The following GSE1 variants were observed in gnomAD, a reference collection of about 807,000 sequenced individuals.
GSE1 encodes genetic suppressor element 1.
In GSE1, 32 loss-of-function variants were observed where a neutral mutation model predicts 112.6. That is an observed-to-expected ratio of 0.28 (90% confidence interval 0.21 to 0.38). The LOEUF (loss-of-function observed/expected upper bound fraction) is 0.38. Among genes scored for constraint, GSE1 ranks in the 10% least tolerant of loss-of-function variants. The pLI is 1.00. For synonymous variants in GSE1, 1,115 were observed against 735.6 expected, an observed-to-expected ratio of 1.52 and a Z score of -8.35; for missense variants, 2,348 against 1,699.2, an observed-to-expected ratio of 1.38 and a Z score of -6.71.
chr16:85,665,650 G>C (rs143402853), intron 12 of GSE1, among the ~76,000 whole-genome samples: 11 of 152,178 alleles, frequency 7.2e-5, no homozygotes, highest in Non-Finnish European at 1.6e-4. Context: ...TTTACAGTGC[G>C]TCCCAGTCCT....
chr16:85,377,687 G>C (rs906817887), intron 2 of GSE1, among the ~76,000 whole-genome samples: 8 of 152,230 alleles, frequency 5.3e-5, no homozygotes, highest in African/African-American at 1.9e-4. Flanking sequence ...CCTGCAGGCA[G>C]GGGGCCGGGG....
At chr16:85,527,368 T>A (rs2052397625) in intron 2 of GSE1, among the ~76,000 whole-genome samples, 1 of 152,102 alleles carries the variant, frequency 6.6e-6, no homozygotes, top group Admixed American at 6.5e-5. Context: ...GCTGAAGAGG[T>A]TCGCCCTCAG....
intron 2 of GSE1, among the ~76,000 whole-genome samples, chr16:85,479,650 C>T (rs951543876): frequency 2.0e-5 from 3 of 152,262 alleles, no homozygotes; most frequent in Middle Eastern, 3.4e-3. Flanking sequence ...CGCTGAGTGT[C>T]GAGGTTTTTA....
At position 85,373,579 on chromosome 16, in the gene GSE1, G is replaced by A. The variant is rs1165985717; in HGVS notation, c.2464+15936G>A. Among the ~76,000 whole-genome samples, 1 of 152,094 alleles carries A rather than the reference G, an allele frequency of 6.6e-6. No individual in the cohort carries two copies. The highest frequency in any genetic ancestry group is 2.4e-5 in the African/African-American group (1 of 41,404). ...TGTGTATAGCAGGGATTCAGTGACC[G>A]CATCGCTACTATGTGTCCTCCCAGC... On this transcript the variant is annotated intron_variant, in intron 2 of 2. Transcript: ENST00000637419. The surrounding 1 kb of genome is among the most constrained non-coding windows in gnomAD (Gnocchi z 5.1).
intron 2 of GSE1, among the ~76,000 whole-genome samples, chr16:85,550,649 C>T (rs1232738541): frequency 3.3e-5 from 5 of 152,200 alleles, no homozygotes; most frequent in South Asian, 2.1e-4. Flanking sequence ...GGCACCCCGC[C>T]GCCTGCACTC....
intron 1 of GSE1, among the ~76,000 whole-genome samples, chr16:85,182,166 C>T (rs1011919409): frequency 6.6e-6 from 1 of 152,104 alleles, no homozygotes; most frequent in African/African-American, 2.4e-5. Flanking sequence ...ACCCTCCCCG[C>T]CCCCCGCTGC....
intron 2 of GSE1, among the ~76,000 whole-genome samples, chr16:85,426,059 AT>A (rs2048973388): frequency 4.4e-5 from 6 of 135,836 alleles, no homozygotes; most frequent in East Asian, 2.1e-4. Context: ...GGATGGATGG[AT>A]GGATGGATGG....
intron 2 of GSE1, among the ~76,000 whole-genome samples, chr16:85,547,598 G>C (rs1032847500): frequency 4.6e-5 from 7 of 152,136 alleles, no homozygotes; most frequent in Non-Finnish European, 8.8e-5. Flanking sequence ...CAGTATACTG[G>C]GGCTAGGTGT....
intron 2 of GSE1, among the ~76,000 whole-genome samples, chr16:85,391,868 C>G (rs924247180): frequency 5.3e-5 from 8 of 152,162 alleles, no homozygotes; most frequent in African/African-American, 1.9e-4. Flanking sequence ...TCTGGACTTG[C>G]TATGCTGGAA....
intron 1 of GSE1, among the ~76,000 whole-genome samples, chr16:85,316,574 G>T (rs2045990337): frequency 6.6e-6 from 1 of 152,194 alleles, no homozygotes; most frequent in African/African-American, 2.4e-5. Context: ...AGGGGTAAGG[G>T]GACTGGACTG....
At chr16:85,320,441 ATGTTTTGTTT>A (rs112173531) in intron 1 of GSE1, among the ~76,000 whole-genome samples, 8 of 149,158 alleles carry the variant, frequency 5.4e-5, no homozygotes, top group African/African-American at 1.5e-4. Flanking sequence ...TACCCGGCTA[ATGTTTTGTTT>A]TGTTTTGTTT....
chr16:85,587,945 T>C (rs2046784944), intron 1 of GSE1, among the ~76,000 whole-genome samples: 1 of 152,160 alleles, frequency 6.6e-6, no homozygotes, highest in Admixed American at 6.5e-5. Flanking sequence ...GGGCTGGTTG[T>C]TAAATGTAAC....
intron 1 of GSE1, among the ~76,000 whole-genome samples, chr16:85,344,197 C>A (rs943388654): frequency 6.6e-6 from 1 of 152,010 alleles, no homozygotes; most frequent in African/African-American, 2.4e-5. Context: ...CCCTGCCCGG[C>A]GGGGGAGCTA....
intron 1 of GSE1, among the ~76,000 whole-genome samples, chr16:85,615,393 C>T (rs547080277): frequency 1.3e-5 from 2 of 152,356 alleles, no homozygotes; most frequent in South Asian, 2.1e-4. Context: ...GTGTCGGCAG[C>T]GTTCCTGATC....
At position 85,390,250 on chromosome 16, in the gene GSE1, C is replaced by T. The variant is rs146127162; in HGVS notation, c.2464+32607C>T. Among the ~76,000 whole-genome samples, 705 of 152,222 alleles carry T rather than the reference C, an allele frequency of 4.6e-3. 4 individuals are homozygous for T. Among genetic ancestry groups the T allele is most frequent in the African/African-American group, 0.016 (663 of 41,516 alleles). On this transcript the variant is annotated intron_variant, in intron 2 of 2. Transcript: ENST00000637419. ...AATACTCACGGCCTGTAGCTTTGTG[C>T]GGTCACAGGCACGGTTCTGCTGGCG...
chr16:85,312,567 C>G (rs2045883987), intron 1 of GSE1, among the ~76,000 whole-genome samples: 1 of 152,202 alleles, frequency 6.6e-6, no homozygotes, highest in Non-Finnish European at 1.5e-5. Flanking sequence ...TGCATTTAGG[C>G]TGGATTTAGA....
chr16:85,402,199 C>T (rs1434359062), intron 2 of GSE1, among the ~76,000 whole-genome samples: 6 of 152,180 alleles, frequency 3.9e-5, no homozygotes, highest in African/African-American at 1.4e-4. Context: ...AGGAACCTTG[C>T]GGCCTGGCGG....
chr16:85,642,829 C>A (rs953294869), intron 2 of GSE1, among the ~76,000 whole-genome samples: 2 of 152,180 alleles, frequency 1.3e-5, no homozygotes, highest in African/African-American at 4.8e-5. Context: ...TTTACCTCTC[C>A]GGGTGCCCTG....
At chr16:85,507,629 G>A (rs1045993070) in intron 2 of GSE1, among the ~76,000 whole-genome samples, 5 of 152,176 alleles carry the variant, frequency 3.3e-5, no homozygotes, top group Non-Finnish European at 7.3e-5. Context: ...TGTGAACGCC[G>A]TGTTCCCTCT....
Sources: allele counts gnomAD v4.1 joint callset (sites outside exome capture counted in the v4.1 genomes callset), GRCh38; gene constraint gnomAD v4.1.1; non-coding constraint Gnocchi (gnomAD v3.1); transcripts MANE v1.5; gene names NCBI Gene and HGNC (gene_info 2026-07-23, HGNC 2026-07-21).